UNC13C: variants seen among roughly 807,000 people sequenced by gnomAD.
UNC13C encodes the protein protein unc-13 homolog C.
Under a neutral mutation model 245.4 loss-of-function variants are expected in UNC13C, and 174 were observed. The ratio of observed to expected loss-of-function variants is 0.71; its 90% CI spans 0.63 to 0.80. The LOEUF (loss-of-function observed/expected upper bound fraction) is 0.80, where lower values mean the gene tolerates loss of function less well. Among genes scored for constraint, UNC13C ranks in the 30% least tolerant of loss-of-function variants. The pLI is 0.00. For missense variants in UNC13C, 2,829 were observed against 2,602.9 expected (o/e 1.09, Z -1.89); for synonymous variants, 992 against 895.1 (o/e 1.11, Z -1.93).
the UNC13C span, among the ~76,000 whole-genome samples, chr15:53,952,727 A>G: frequency 6.6e-6 from 1 of 152,238 alleles, no homozygotes; most frequent in Admixed American, 6.5e-5. Context: ...GAAGCTAGGC[A>G]TAAGATGACC....
chr15:54,022,543 A>G (rs1004365520), intron 2 of UNC13C, among the ~76,000 whole-genome samples: 4 of 152,128 alleles, frequency 2.6e-5, no homozygotes, highest in African/African-American at 9.7e-5. Flanking sequence ...ATTTACATCT[A>G]TCCTTTTGAT....
At chr15:54,267,360 A>T (rs1171201279) in intron 10 of UNC13C, among the ~76,000 whole-genome samples, 1 of 151,368 alleles carries the variant, frequency 6.6e-6, no homozygotes, top group Non-Finnish European at 1.5e-5. Flanking sequence ...TATGATGCCA[A>T]ATCAGAGGTA....
chr15:53,893,178 C>T, the UNC13C span, among the ~76,000 whole-genome samples: 53 of 152,204 alleles, frequency 3.5e-4, no homozygotes, highest in African/African-American at 1.1e-3. Context: ...ATATCACCAG[C>T]GAAGTCTGCA....
chr15:54,439,402 T>C (rs1890392984), intron 19 of UNC13C, among the ~76,000 whole-genome samples: 1 of 151,962 alleles, frequency 6.6e-6, no homozygotes, highest in Admixed American at 6.6e-5. Flanking sequence ...TAAAATTCTC[T>C]TCTTCAAGGA....
chr15:54,229,951 G>T (rs2414283), intron 4 of UNC13C, among the ~76,000 whole-genome samples: 17,447 of 150,744 alleles, frequency 0.12, 2,126 homozygotes, highest in African/African-American at 0.29. Context: ...AAATTGTAGG[G>T]TTTTTTTTTA....
chr15:54,074,082 C>T (rs920734691), intron 2 of UNC13C, among the ~76,000 whole-genome samples: 50 of 152,166 alleles, frequency 3.3e-4, no homozygotes, highest in African/African-American at 1.2e-3. Flanking sequence ...AGTCCGGTTT[C>T]AGTTTTCTGC....
intron 19 of UNC13C, among the ~76,000 whole-genome samples, chr15:54,450,092 T>TTGG (rs1399018752): frequency 6.6e-6 from 1 of 152,060 alleles, no homozygotes. Context: ...ACAGTGAATA[T>TTGG]TGAACAGCGA....
chr15:54,161,753 A>G (rs1329988772), intron 4 of UNC13C, among the ~76,000 whole-genome samples: 2 of 152,048 alleles, frequency 1.3e-5, no homozygotes, highest in Non-Finnish European at 2.9e-5. Flanking sequence ...GAGTTCCAGA[A>G]CAGCCTGACC....
At chr15:54,510,912 T>G (rs1894708519) in intron 23 of UNC13C, among the ~76,000 whole-genome samples, 2 of 152,206 alleles carry the variant, frequency 1.3e-5, no homozygotes, top group African/African-American at 4.8e-5. Context: ...TATGAATTAA[T>G]GTTTACTATT....
chr15:54,262,795 A>C (rs1178258035), intron 8 of UNC13C, among the ~76,000 whole-genome samples: 1 of 152,006 alleles, frequency 6.6e-6, no homozygotes, highest in Non-Finnish European at 1.5e-5. Flanking sequence ...TCCTCTATTC[A>C]CACTCATTAT....
At chr15:54,607,946 T>G (rs867187739) in intron 30 of UNC13C, among the ~76,000 whole-genome samples, 1 of 152,142 alleles carries the variant, frequency 6.6e-6, no homozygotes, top group East Asian at 1.9e-4. Flanking sequence ...CAAACAGTAG[T>G]TTTTATTTTT....
chr15:54,572,569 G>A (rs1897803602), intron 30 of UNC13C, among the ~76,000 whole-genome samples: 1 of 151,646 alleles, frequency 6.6e-6, no homozygotes, highest in Non-Finnish European at 1.5e-5. Flanking sequence ...GGGATTATAG[G>A]TGCACGCCAC....
intron 19 of UNC13C, among the ~76,000 whole-genome samples, chr15:54,461,784 G>A (rs1399703791): frequency 6.6e-6 from 1 of 152,194 alleles, no homozygotes; most frequent in South Asian, 2.1e-4. Context: ...CTACAGAAGA[G>A]AGCAGATTGG....
At chr15:53,874,775 C>G in the UNC13C span, among the ~76,000 whole-genome samples, 1 of 152,174 alleles carries the variant, frequency 6.6e-6, no homozygotes, top group Non-Finnish European at 1.5e-5. Flanking sequence ...ATATACTTGG[C>G]ACTTCTTTAA....
chr15:54,202,050 C>G (rs1020010889), intron 4 of UNC13C, among the ~76,000 whole-genome samples: 1 of 150,238 alleles, frequency 6.7e-6, no homozygotes, highest in Non-Finnish European at 1.5e-5. Flanking sequence ...ATCAAGAACT[C>G]AACCCCTTTC....
At chr15:54,183,200 G>A (rs2033858736) in intron 4 of UNC13C, among the ~76,000 whole-genome samples, 1 of 151,808 alleles carries the variant, frequency 6.6e-6, no homozygotes, top group Admixed American at 6.6e-5. Context: ...ATTTATTATT[G>A]TAATATAAAG....
intron 4 of UNC13C, among the ~76,000 whole-genome samples, chr15:54,158,392 A>C (rs1431606764): frequency 6.6e-6 from 1 of 151,836 alleles, no homozygotes; most frequent in Non-Finnish European, 1.5e-5. Flanking sequence ...ACAGTGGCCC[A>C]ATCTCTGCTC....
At chr15:54,314,787 A>G (rs1022507397) in intron 13 of UNC13C, among the ~76,000 whole-genome samples, 5 of 151,778 alleles carry the variant, frequency 3.3e-5, no homozygotes, top group South Asian at 2.1e-4. Context: ...ATATTTTCAG[A>G]GATCATTCTA....
the UNC13C span, among the ~76,000 whole-genome samples, chr15:53,859,211 T>C: frequency 2.0e-5 from 3 of 152,194 alleles, no homozygotes; most frequent in Non-Finnish European, 4.4e-5. Flanking sequence ...ATTTTTAATG[T>C]CTCATCGTTA....
Sources: gnomAD v4.1 joint callset for allele counts (sites outside exome capture counted in the v4.1 genomes callset) on GRCh38, gnomAD v4.1.1 for gene constraint, MANE v1.5 for transcripts, NCBI Gene and HGNC (gene_info 2026-07-23, HGNC 2026-07-21) for gene names.